The following MARCHF1 variants were observed in gnomAD, a reference collection of about 807,000 sequenced individuals.
MARCHF1 encodes the protein membrane associated ring-CH-type finger 1.
A neutral mutation model predicts 54.2 loss-of-function variants in MARCHF1; 40 were observed. The ratio of observed to expected loss-of-function variants is 0.74; its 90% CI spans 0.57 to 0.96. The LOEUF (loss-of-function observed/expected upper bound fraction) is 0.96, where lower values mean the gene tolerates loss of function less well. MARCHF1 is among the 40% of genes least tolerant of loss of function. The pLI is 0.00. For missense variants in MARCHF1, 586 were observed against 656.5 expected (o/e 0.89, Z 1.17); for synonymous variants, 236 against 236.3 (o/e 1.00, Z 0.01).
chr4:164,052,212 C>T (rs1207580508), intron 2 of MARCHF1, among the ~76,000 whole-genome samples: 1 of 151,480 alleles, frequency 6.6e-6, no homozygotes, highest in Non-Finnish European at 1.5e-5. Flanking sequence ...GAGATTATGC[C>T]TCTCAAATCA....
intron 9 of MARCHF1, among the ~76,000 whole-genome samples, chr4:163,533,059 T>C (rs1021367194): frequency 1.3e-5 from 2 of 151,998 alleles, no homozygotes; most frequent in African/African-American, 4.8e-5. Flanking sequence ...ACACAAATGT[T>C]TGTAGCAGCT....
chr4:163,865,687 C>T (rs1750032190), intron 3 of MARCHF1, among the ~76,000 whole-genome samples: 1 of 151,626 alleles, frequency 6.6e-6, no homozygotes. Context: ...AAATATTTTA[C>T]ATACATTTTA....
intron 5 of MARCHF1, among the ~76,000 whole-genome samples, chr4:163,645,938 C>T (rs1165460855): frequency 6.6e-6 from 1 of 151,690 alleles, no homozygotes; most frequent in African/African-American, 2.4e-5. Flanking sequence ...GAGAAGAGAA[C>T]AAAAAAGGAG....
rs556122191 is a variant in MARCHF1, at chr4:163,638,552, G to C, written c.163-25159C>G. Among the ~76,000 whole-genome samples, 11 of 152,214 alleles carry C rather than the reference G, an allele frequency of 7.2e-5. No individual in the cohort carries two copies. The East Asian group carries it at 1.9e-3, about 27-fold the overall frequency. ...TGCTGTGCTTCCTCTACAATCTGGA[G>C]AACCAAGAGTCAATCAAATTACTTT... On this transcript the variant is annotated intron_variant, in intron 5 of 9. Transcript: ENST00000514618.
intron 1 of MARCHF1, among the ~76,000 whole-genome samples, chr4:164,353,911 TA>T (rs1730431187): frequency 8.7e-6 from 1 of 115,294 alleles, no homozygotes; most frequent in African/African-American, 3.3e-5. Flanking sequence ...ATAGACACAA[TA>T]AAAAATGATA....
chr4:163,622,943 C>T (rs1238201825), intron 5 of MARCHF1, among the ~76,000 whole-genome samples: 1 of 152,108 alleles, frequency 6.6e-6, no homozygotes, highest in Admixed American at 6.5e-5. Flanking sequence ...CCCTAGAAAG[C>T]CAGCAAGTGG....
intron 1 of MARCHF1, among the ~76,000 whole-genome samples, chr4:164,282,823 T>C (rs533064335): frequency 1.3e-5 from 2 of 151,378 alleles, no homozygotes; most frequent in South Asian, 4.2e-4. Context: ...TAATTATTTC[T>C]AGCCAGGTAC....
intron 1 of MARCHF1, among the ~76,000 whole-genome samples, chr4:164,222,503 A>G (rs1732143380): frequency 6.6e-6 from 1 of 151,924 alleles, no homozygotes; most frequent in Non-Finnish European, 1.5e-5. Flanking sequence ...AAAAATGATA[A>G]GCCCTGTTGA....
intron 5 of MARCHF1, among the ~76,000 whole-genome samples, chr4:163,619,645 G>A (rs1465016016): frequency 6.6e-6 from 1 of 151,912 alleles, no homozygotes; most frequent in African/African-American, 2.4e-5. Context: ...AGACAAATTT[G>A]CATCTCTAGT....
At chr4:164,325,356 T>TATATATATATATATATATATATATATATA (rs1561003093) in intron 1 of MARCHF1, among the ~76,000 whole-genome samples, 8 of 149,402 alleles carry the variant, frequency 5.4e-5, no homozygotes, top group South Asian at 2.1e-4. Flanking sequence ...TATATATATA[T>TATATATATATATATATATATATATATATA]TTGCACAGAC....
At chr4:164,203,313 G>GAGAGAGAGAGAT (rs762209470) in intron 1 of MARCHF1, among the ~76,000 whole-genome samples, 1 of 151,884 alleles carries the variant, frequency 6.6e-6, no homozygotes, top group African/African-American at 2.4e-5. Context: ...GTAGGAGAAA[G>GAGAGAGAGAGAT]AGAGAGAGAG....
chr4:163,702,801 G>A (rs1253917117), intron 4 of MARCHF1, among the ~76,000 whole-genome samples: 1 of 152,122 alleles, frequency 6.6e-6, no homozygotes, highest in East Asian at 1.9e-4. Flanking sequence ...CCAATATAAG[G>A]TCAGGCATTG....
intron 4 of MARCHF1, among the ~76,000 whole-genome samples, chr4:163,731,916 A>T (rs1745851882): frequency 6.6e-6 from 1 of 152,178 alleles, no homozygotes; most frequent in African/African-American, 2.4e-5. Flanking sequence ...GAAACCTAAA[A>T]GCATTAAACT....
rs1403722504 is a variant in MARCHF1, at chr4:164,244,888, C to A, written c.-322-133226G>T. ...ATGGATAAATTCCTTGACACATACA[C>A]TCTCCCAAGACTAAACCAGGAAGAA... On this transcript the variant is annotated intron_variant, in intron 1 of 9. Transcript: ENST00000514618. 2.0e-5 allele frequency among the ~76,000 whole-genome samples: 3 copies of A among 151,800 alleles called. 1 individual carries two copies. The highest frequency in any genetic ancestry group is 3.9e-4 in the East Asian group (2 of 5,164).
At chr4:163,859,051 A>G (rs1431902457) in intron 3 of MARCHF1, among the ~76,000 whole-genome samples, 1 of 152,172 alleles carries the variant, frequency 6.6e-6, no homozygotes, top group Non-Finnish European at 1.5e-5. Context: ...AGAATCCAAT[A>G]AGTAATTGTT....
intron 1 of MARCHF1, among the ~76,000 whole-genome samples, chr4:164,346,203 A>G (rs543087700): frequency 6.6e-6 from 1 of 152,280 alleles, no homozygotes; most frequent in South Asian, 2.1e-4. Context: ...ATAATGCCCT[A>G]GGTATATCAG....
chr4:164,056,555 TG>T (rs1217819559), intron 2 of MARCHF1, among the ~76,000 whole-genome samples: 1 of 152,200 alleles, frequency 6.6e-6, no homozygotes, highest in Non-Finnish European at 1.5e-5. Context: ...AGTGTGTTTC[TG>T]GGAAGTCCAT....
At chr4:163,654,297 G>A (rs1273863941) in intron 5 of MARCHF1, among the ~76,000 whole-genome samples, 1 of 151,520 alleles carries the variant, frequency 6.6e-6, no homozygotes, top group African/African-American at 2.4e-5. Flanking sequence ...GTTCTTTCCA[G>A]GAAAAACAAA....
chr4:164,059,888 T>C (rs1754577279), intron 2 of MARCHF1, among the ~76,000 whole-genome samples: 1 of 152,120 alleles, frequency 6.6e-6, no homozygotes, highest in Admixed American at 6.5e-5. Flanking sequence ...GAAAACAAAA[T>C]ATTTTTGCAA....
Sources: allele counts gnomAD v4.1 joint callset (sites outside exome capture counted in the v4.1 genomes callset), GRCh38; gene constraint gnomAD v4.1.1; transcripts MANE v1.5; gene names NCBI Gene and HGNC (gene_info 2026-07-23, HGNC 2026-07-21).